LRRC36: variants seen among roughly 807,000 people sequenced by gnomAD.
The protein encoded by LRRC36 is leucine-rich repeat-containing protein 36.
A neutral mutation model predicts 81.1 loss-of-function variants in LRRC36; 62 were observed. The ratio of observed to expected loss-of-function variants is 0.76; its 90% CI spans 0.62 to 0.94. The LOEUF (loss-of-function observed/expected upper bound fraction) is 0.94. Among genes scored for constraint, LRRC36 ranks in the 40% least tolerant of loss-of-function variants. The pLI is 0.00. For synonymous variants in LRRC36, 334 were observed against 348.6 expected, an observed-to-expected ratio of 0.96 and a Z score of 0.47; for missense variants, 761 against 881.7, an observed-to-expected ratio of 0.86 and a Z score of 1.73.
intron 1 of LRRC36, among the ~76,000 whole-genome samples, chr16:67,327,987 G>A (rs1044682210): frequency 6.6e-6 from 1 of 152,038 alleles, no homozygotes; most frequent in Non-Finnish European, 1.5e-5. Flanking sequence ...TATTTGAGGG[G>A]AAGAGACAGT....
chr16:67,334,027 A>T (rs946587967), intron 1 of LRRC36, among the ~76,000 whole-genome samples: 10 of 151,562 alleles, frequency 6.6e-5, no homozygotes, highest in Admixed American at 1.3e-4. Context: ...TATTATTATT[A>T]TTTTTATTTA....
intron 5 of LRRC36, among the ~76,000 whole-genome samples, chr16:67,352,518 T>C (rs886769159): frequency 6.6e-6 from 1 of 152,122 alleles, no homozygotes; most frequent in Non-Finnish European, 1.5e-5. Context: ...GAAAGGTTCC[T>C]CTCTCTCTTC....
At chr16:67,328,405 C>T (rs1253680891) in intron 1 of LRRC36, among the ~76,000 whole-genome samples, 3 of 151,848 alleles carry the variant, frequency 2.0e-5, no homozygotes, top group African/African-American at 4.8e-5. Context: ...CCCAGCTACT[C>T]GGGAGGCTGA....
At chr16:67,384,779 T>C (rs2040233507) in intron 13 of LRRC36, 91 bp from the exon 14 acceptor site, 3 of 852,280 alleles carry the variant, frequency 3.5e-6, no homozygotes. Context: ...GTGACTTCAT[T>C]TCACATTTGC....
chr16:67,376,177 G>A (rs984415147), intron 10 of LRRC36, among the ~76,000 whole-genome samples: 1 of 152,016 alleles, frequency 6.6e-6, no homozygotes, highest in Non-Finnish European at 1.5e-5. Flanking sequence ...GCGTAGTGGT[G>A]TGCGCCTGTA....
intron 5 of LRRC36, among the ~76,000 whole-genome samples, chr16:67,356,810 G>A (rs1351427575): frequency 3.3e-5 from 5 of 152,174 alleles, no homozygotes; most frequent in Admixed American, 3.3e-4. Flanking sequence ...AGTTCAGTGG[G>A]CATAGTTGAG....
chr16:67,341,130 A>G (rs1305280646), intron 1 of LRRC36, among the ~76,000 whole-genome samples: 14 of 115,210 alleles, frequency 1.2e-4, no homozygotes, highest in Non-Finnish European at 2.5e-4. Context: ...TATGTACTCT[A>G]CATATTCTAT....
At chr16:67,369,189 G>T (rs544827849) in intron 8 of LRRC36, among the ~76,000 whole-genome samples, 2 of 152,288 alleles carry the variant, frequency 1.3e-5, no homozygotes, top group South Asian at 4.1e-4. Flanking sequence ...CCAAAAGAGT[G>T]AATATAGATA....
chr16:67,341,655 T>C (rs1158143946), intron 1 of LRRC36, among the ~76,000 whole-genome samples: 4 of 152,178 alleles, frequency 2.6e-5, no homozygotes, highest in African/African-American at 7.2e-5. Context: ...TTATTATCCA[T>C]AGGGCTAAAT....
At chr16:67,351,103 C>T (rs774979264) in intron 5 of LRRC36, among the ~76,000 whole-genome samples, 1 of 152,054 alleles carries the variant, frequency 6.6e-6, no homozygotes, top group Non-Finnish European at 1.5e-5. Context: ...TGTCACAGGC[C>T]GGGAGAAAGC....
chr16:67,359,745 G>C (rs2039061424), intron 5 of LRRC36, among the ~76,000 whole-genome samples: 1 of 152,206 alleles, frequency 6.6e-6, no homozygotes, highest in Non-Finnish European at 1.5e-5. Context: ...GTGATTGGGT[G>C]ATAGTAATGC....
At chr16:67,356,724 G>A (rs1020935643) in intron 5 of LRRC36, among the ~76,000 whole-genome samples, 1 of 152,174 alleles carries the variant, frequency 6.6e-6, no homozygotes, top group African/African-American at 2.4e-5. Flanking sequence ...TGGAGGAGAG[G>A]CGGTTGCAGT....
chr16:67,384,861 G>A lies in LRRC36; in HGVS notation c.2046-9G>A. ...GATTTCATGACTGCCTTTTTCCCTT[G>A]GGCCTCAGATCCCTGGTGGTAACTA... On this transcript the variant is annotated splice_polypyrimidine_tract_variant and intron_variant, in intron 13 of 13. Coordinates refer to ENST00000329956, the MANE Select transcript of LRRC36 (RefSeq NM_018296.6). 1 of 1,607,706 alleles carries A rather than the reference G, an allele frequency of 6.2e-7. No homozygotes were observed. The highest frequency in any genetic ancestry group is 1.1e-5 in the South Asian group (1 of 90,656).
At chr16:67,333,014 A>G (rs777941645) in intron 1 of LRRC36, among the ~76,000 whole-genome samples, 1 of 151,852 alleles carries the variant, frequency 6.6e-6, no homozygotes, top group African/African-American at 2.4e-5. Context: ...GACTCTGCCT[A>G]CTGAGTAGCT....
At chr16:67,356,055 G>A (rs1166290704) in intron 5 of LRRC36, among the ~76,000 whole-genome samples, 3 of 152,200 alleles carry the variant, frequency 2.0e-5, no homozygotes, top group African/African-American at 7.2e-5. Context: ...AACAGTGAAT[G>A]TCTTACTAAG....
At chr16:67,368,757 C>T (rs1474543237) in intron 8 of LRRC36, among the ~76,000 whole-genome samples, 1 of 152,076 alleles carries the variant, frequency 6.6e-6, no homozygotes, top group Non-Finnish European at 1.5e-5. Context: ...AGATTGGAAT[C>T]AGCGTAACAG....
intron 4 of LRRC36, among the ~76,000 whole-genome samples, chr16:67,349,924 C>A (rs2038538962): frequency 6.6e-6 from 1 of 152,172 alleles, no homozygotes; most frequent in Non-Finnish European, 1.5e-5. Flanking sequence ...CCACACGTGG[C>A]TGATTTTTGT....
rs1425380297 is a variant in LRRC36 at position 67,352,512 on chromosome 16, G to T, written c.577+2222G>T. Among the ~76,000 whole-genome samples the T allele has an allele frequency of 3.3e-5, 5 of 152,070 alleles. No homozygotes were observed. In the East Asian group the frequency reaches 9.6e-4, roughly 29 times the overall value. The stretch of plus-strand genomic sequence containing the variant: ...CCACATAATCATTGACTCTTTGAAA[G>T]GTTCCTCTCTCTCTTCCCATATCCC... On this transcript the variant is annotated intron_variant, in intron 5 of 13. Transcript: ENST00000329956.
At chr16:67,330,109 C>T (rs902931352) in intron 1 of LRRC36, among the ~76,000 whole-genome samples, 1 of 151,906 alleles carries the variant, frequency 6.6e-6, no homozygotes, top group Non-Finnish European at 1.5e-5. Context: ...AGATGTTAAA[C>T]ATTTTCCCGT....
Sources: allele counts gnomAD v4.1 joint callset (sites outside exome capture counted in the v4.1 genomes callset), GRCh38; gene constraint gnomAD v4.1.1; transcripts MANE v1.5; gene names NCBI Gene and HGNC (gene_info 2026-07-23, HGNC 2026-07-21).